FBXL17: variants seen among roughly 807,000 people sequenced by gnomAD.
FBXL17 encodes F-box and leucine rich repeat protein 17.
In FBXL17, 22 loss-of-function variants were observed where a neutral mutation model predicts 66.2. The observed-to-expected ratio is 0.33, with a 90% CI of 0.24 to 0.47. The LOEUF (loss-of-function observed/expected upper bound fraction) is 0.47, where lower values mean the gene tolerates loss of function less well. Ranked by LOEUF, FBXL17 falls within the 20% of genes least tolerant of loss-of-function variation. FBXL17 has a pLI of 1.00. For synonymous variants in FBXL17, 474 were observed against 400.5 expected (o/e 1.18, Z -2.19); for missense variants, 878 against 948.2 (o/e 0.93, Z 0.97).
chr5:108,265,558 A>G (rs866058806), intron 4 of FBXL17, among the ~76,000 whole-genome samples: 16 of 152,180 alleles, frequency 1.1e-4, no homozygotes, highest in African/African-American at 2.7e-4. Context: ...TCTCTATATC[A>G]TTCATTAAGA....
intron 5 of FBXL17, among the ~76,000 whole-genome samples, chr5:108,190,683 G>T (rs1243696710): frequency 6.6e-6 from 1 of 152,250 alleles, no homozygotes; most frequent in South Asian, 2.1e-4. Context: ...TCTTGTTTTT[G>T]ATTGAGCAAA....
chr5:108,358,091 G>T (rs1748115171), intron 3 of FBXL17, among the ~76,000 whole-genome samples: 1 of 151,882 alleles, frequency 6.6e-6, no homozygotes, highest in African/African-American at 2.4e-5. Context: ...GGTTTCTCTG[G>T]GGTTTTCTAT....
intron 6 of FBXL17, among the ~76,000 whole-genome samples, chr5:108,061,530 T>C (rs1747923955): frequency 6.6e-6 from 1 of 152,064 alleles, no homozygotes; most frequent in Non-Finnish European, 1.5e-5. Flanking sequence ...TCACAAATCG[T>C]TCAAAAGTTG....
chr5:108,380,598 C>G (rs919645411), intron 1 of FBXL17, 101 bp downstream of exon 1: 5 of 721,706 alleles, frequency 6.9e-6, no homozygotes, highest in Admixed American at 8.7e-5. Context: ...TGCCAGGGAA[C>G]CCCCCTCCTC....
intron 7 of FBXL17, among the ~76,000 whole-genome samples, chr5:107,953,784 C>A (rs889776844): frequency 2.0e-5 from 3 of 152,132 alleles, no homozygotes; most frequent in African/African-American, 7.2e-5. Context: ...TTTGGTATAG[C>A]GAGTACATTG....
At chr5:108,047,243 A>T (rs1747287687) in intron 6 of FBXL17, among the ~76,000 whole-genome samples, 1 of 152,212 alleles carries the variant, frequency 6.6e-6, no homozygotes, top group South Asian at 2.1e-4. Context: ...CATCCAAAAG[A>T]GGTGGCGAGT....
intron 7 of FBXL17, among the ~76,000 whole-genome samples, chr5:107,962,012 G>A (rs370188572): frequency 2.6e-5 from 4 of 152,078 alleles, no homozygotes; most frequent in African/African-American, 7.2e-5. Context: ...TAACAAATGT[G>A]AGCACAAAAT....
chr5:108,313,211 T>C (rs777784694), intron 4 of FBXL17, among the ~76,000 whole-genome samples: 45 of 152,106 alleles, frequency 3.0e-4, no homozygotes, highest in East Asian at 5.8e-4. Flanking sequence ...TCCAACCATA[T>C]TGAAGTACAG....
intron 4 of FBXL17, among the ~76,000 whole-genome samples, chr5:108,236,330 G>C (rs910712012): frequency 2.6e-5 from 4 of 151,996 alleles, no homozygotes; most frequent in African/African-American, 9.7e-5. Flanking sequence ...TGGCCAACAT[G>C]ATGAAACCCT....
chr5:108,192,678 G>C (rs1753515044), intron 5 of FBXL17, among the ~76,000 whole-genome samples: 2 of 152,148 alleles, frequency 1.3e-5, no homozygotes, highest in Non-Finnish European at 2.9e-5. Flanking sequence ...TGTAATCCCA[G>C]CTACTCAGGA....
At chr5:108,037,542 A>G (rs1252193234) in intron 6 of FBXL17, among the ~76,000 whole-genome samples, 1 of 152,190 alleles carries the variant, frequency 6.6e-6, no homozygotes, top group Non-Finnish European at 1.5e-5. Flanking sequence ...TACCTGGAAC[A>G]TACCTAACTC....
chr5:108,085,129 T>C (rs1359682841), intron 6 of FBXL17, among the ~76,000 whole-genome samples: 1 of 152,232 alleles, frequency 6.6e-6, no homozygotes, highest in Non-Finnish European at 1.5e-5. Flanking sequence ...TTTGATTACA[T>C]AGTCTTGCAT....
At chr5:107,910,422 AC>A (rs1403814168) in intron 7 of FBXL17, among the ~76,000 whole-genome samples, 1 of 152,130 alleles carries the variant, frequency 6.6e-6, no homozygotes, top group Non-Finnish European at 1.5e-5. Flanking sequence ...AGAGATTCTC[AC>A]TAAAAAGTAT....
rs745810305 is a variant in FBXL17, at chr5:108,066,747, G to GT, written c.1746-45747dup. 9.3e-4 allele frequency among the ~76,000 whole-genome samples: 141 copies of GT among 151,578 alleles called. 2 individuals carry two copies. Among genetic ancestry groups the GT allele is most frequent in the Admixed American group, 3.0e-3 (45 of 15,224 alleles). ...ATATTTTCACAAGTTTTTAAAATCA[G>GT]TTGTTTTTATAATTATAATGTTTAC... On this transcript the variant is annotated intron_variant, in intron 6 of 8. Coordinates refer to ENST00000542267, the MANE Select transcript of FBXL17 (RefSeq NM_001163315.3).
Position 108,013,089 on chromosome 5 carries a change from GA to G in FBXL17, c.1822+7835del, listed in dbSNP as rs139548478. ...TAAAATTAAATGAATAATGCCCACAGAAAACATCCAATACATTTTATCTATT... is the reference window on the plus strand; with the variant it reads ...TAAAATTAAATGAATAATGCCCACAGAAACATCCAATACATTTTATCTATT... On this transcript the variant is annotated intron_variant, in intron 7 of 8. Coordinates refer to ENST00000542267, the MANE Select transcript of FBXL17 (RefSeq NM_001163315.3). Among the ~76,000 whole-genome samples, 721 of 147,520 alleles carry G rather than the reference GA, an allele frequency of 4.9e-3. 9 individuals carry two copies. Among genetic ancestry groups the G allele is most frequent in the African/African-American group, 0.018 (701 of 39,766 alleles).
At chr5:108,063,713 T>C (rs1748009663) in intron 6 of FBXL17, among the ~76,000 whole-genome samples, 1 of 152,154 alleles carries the variant, frequency 6.6e-6, no homozygotes, top group Non-Finnish European at 1.5e-5. Flanking sequence ...ACAGAAATCA[T>C]ATAAAAAGGT....
At chr5:108,308,465 T>C (rs78220382) in intron 4 of FBXL17, among the ~76,000 whole-genome samples, 4,490 of 152,176 alleles carry the variant, frequency 0.03, 216 homozygotes, top group African/African-American at 0.1. Context: ...AAACCAGTAC[T>C]ATCGTCTTAC....
chr5:108,374,014 A>G (rs1749245846), intron 1 of FBXL17, among the ~76,000 whole-genome samples: 1 of 152,224 alleles, frequency 6.6e-6, no homozygotes, highest in Non-Finnish European at 1.5e-5. Flanking sequence ...AAAAATATAC[A>G]CAGATTGAGA....
intron 7 of FBXL17, among the ~76,000 whole-genome samples, chr5:108,003,506 A>G (rs1196439752): frequency 2.6e-5 from 4 of 152,216 alleles, no homozygotes; most frequent in Non-Finnish European, 4.4e-5. Context: ...AAAAAAGAAG[A>G]AAGAAAAGAA....
Sources: allele counts gnomAD v4.1 joint callset (sites outside exome capture counted in the v4.1 genomes callset), GRCh38; gene constraint gnomAD v4.1.1; transcripts MANE v1.5; gene names NCBI Gene and HGNC (gene_info 2026-07-23, HGNC 2026-07-21).